The following SLIT3 variants were observed in gnomAD, a reference collection of about 807,000 sequenced individuals.
SLIT3 encodes the protein slit homolog 3 protein.
In SLIT3, 68 loss-of-function variants were observed where a neutral mutation model predicts 184.0. The ratio of observed to expected loss-of-function variants is 0.37; its 90% CI spans 0.30 to 0.45. SLIT3 has a LOEUF of 0.45. SLIT3 is among the 20% of genes least tolerant of loss of function. The pLI, the probability that SLIT3 is intolerant of heterozygous loss-of-function variation, is 1.00. For synonymous variants in SLIT3, 831 were observed against 828.6 expected, an observed-to-expected ratio of 1.00 and a Z score of -0.05; for missense variants, 1,707 against 2,026.0, an observed-to-expected ratio of 0.84 and a Z score of 3.02.
At chr5:169,157,834 A>G (rs1040511699) in intron 4 of SLIT3, among the ~76,000 whole-genome samples, 3 of 152,228 alleles carry the variant, frequency 2.0e-5, no homozygotes, top group Non-Finnish European at 4.4e-5. Context: ...AAACAAAGAA[A>G]AAAGAACCAA....
At chr5:168,998,604 C>T (rs62378629) in intron 4 of SLIT3, among the ~76,000 whole-genome samples, 5,539 of 151,830 alleles carry the variant, frequency 0.036, 122 homozygotes, top group Middle Eastern at 0.051. Context: ...CTCAGGAGGC[C>T]GAGGCAGGAG....
intron 4 of SLIT3, among the ~76,000 whole-genome samples, chr5:169,156,279 C>T (rs987822868): frequency 1.3e-5 from 2 of 152,154 alleles, no homozygotes; most frequent in Admixed American, 1.3e-4. Context: ...TCTGAAAATA[C>T]CTTTTCCTCT....
intron 4 of SLIT3, among the ~76,000 whole-genome samples, chr5:169,017,016 T>G (rs930213035): frequency 1.3e-5 from 2 of 152,200 alleles, no homozygotes; most frequent in African/African-American, 4.8e-5. Context: ...CATACTGTGC[T>G]GTTCCTTGTG....
At position 168,812,816 on chromosome 5, in the gene SLIT3, A is replaced by G. The variant is rs114997128; in HGVS notation, c.793+4484T>C. ...GTCCAATTATGGTGTTTTAATTAAA[A>G]CCTCCTAAGGAGATGGGTGGCTGGT... On this transcript the variant is annotated intron_variant, in intron 8 of 35. Transcript: ENST00000519560. Among the ~76,000 whole-genome samples, 1,115 of 151,964 alleles carry G rather than the reference A, an allele frequency of 7.3e-3. 17 individuals are homozygous for G. The highest frequency in any genetic ancestry group is 0.026 in the African/African-American group (1,071 of 41,414).
intron 29 of SLIT3, among the ~76,000 whole-genome samples, chr5:168,689,682 T>C (rs1761850639): frequency 1.3e-5 from 2 of 152,190 alleles, no homozygotes; most frequent in South Asian, 2.1e-4. Flanking sequence ...TGAGACCTCA[T>C]TGAGGGAGAG....
intron 1 of SLIT3, among the ~76,000 whole-genome samples, chr5:169,264,675 G>A (rs1192948081): frequency 6.6e-6 from 1 of 152,176 alleles, no homozygotes; most frequent in Non-Finnish European, 1.5e-5. Context: ...AAGGAGAGCA[G>A]TGTTTCCCTT....
At chr5:169,238,379 G>A (rs1389445863) in intron 3 of SLIT3, among the ~76,000 whole-genome samples, 1 of 151,464 alleles carries the variant, frequency 6.6e-6, no homozygotes, top group African/African-American at 2.4e-5. Flanking sequence ...TTGCTTTGTG[G>A]GTATCTCCTT....
In SLIT3 at chr5:168,665,330, C is replaced by T. The variant is rs1760999907; in HGVS notation, c.*1124G>A. 6.6e-6 allele frequency: 1 copy of T among 152,250 alleles called. No homozygotes were observed. Among genetic ancestry groups the T allele is most frequent in the African/African-American group, 2.4e-5 (1 of 41,460 alleles). 9.4% of individuals were successfully genotyped at this position (152,250 alleles called of 1,614,324 possible). ...GCTGGTGACCTGGAGGATCAGGTGG[C>T]AGAGGCCTGTCTTACAACAAGAGCC... is the stretch of plus-strand genomic sequence containing the variant. On this transcript the variant is annotated 3_prime_UTR_variant, in exon 36 of 36. Transcript: ENST00000519560.
intron 4 of SLIT3, among the ~76,000 whole-genome samples, chr5:168,969,052 C>T (rs968227291): frequency 7.2e-5 from 11 of 152,074 alleles, no homozygotes; most frequent in African/African-American, 2.7e-4. Flanking sequence ...GATTATTTTT[C>T]CCCCGCAAGA....
chr5:168,709,570 T>C (rs1762483860), intron 25 of SLIT3, among the ~76,000 whole-genome samples: 1 of 152,246 alleles, frequency 6.6e-6, no homozygotes, highest in Non-Finnish European at 1.5e-5. Flanking sequence ...GCCTCTTTAG[T>C]ATCAGATCAG....
chr5:168,976,488 T>C (rs1754767105), intron 4 of SLIT3, among the ~76,000 whole-genome samples: 1 of 152,100 alleles, frequency 6.6e-6, no homozygotes, highest in South Asian at 2.1e-4. Flanking sequence ...ATTCCTGCAA[T>C]AAATGAAAAA....
chr5:169,100,508 T>C (rs1420496912), intron 4 of SLIT3, among the ~76,000 whole-genome samples: 1 of 152,158 alleles, frequency 6.6e-6, no homozygotes, highest in African/African-American at 2.4e-5. Context: ...AATAAAGGCG[T>C]CAGGAATATG....
intron 5 of SLIT3, among the ~76,000 whole-genome samples, chr5:168,863,592 G>A (rs1182156160): frequency 1.3e-5 from 2 of 152,166 alleles, no homozygotes; most frequent in Admixed American, 6.5e-5. Flanking sequence ...AGGGTCAACC[G>A]TGGCAGAGAC....
chr5:169,038,985 A>G (rs1581339641), intron 4 of SLIT3, among the ~76,000 whole-genome samples: 2 of 152,206 alleles, frequency 1.3e-5, no homozygotes, highest in Non-Finnish European at 2.9e-5. Context: ...TGGAGAAAAG[A>G]TGACCCCCTT....
At chr5:168,705,538 A>G (rs1762350226) in intron 26 of SLIT3, among the ~76,000 whole-genome samples, 1 of 152,090 alleles carries the variant, frequency 6.6e-6, no homozygotes. Context: ...CATCACCATC[A>G]TCACCTTCAC....
intron 2 of SLIT3, among the ~76,000 whole-genome samples, chr5:169,245,653 G>C (rs752601902): frequency 6.6e-6 from 1 of 152,112 alleles, no homozygotes; most frequent in South Asian, 2.1e-4. Context: ...GTGGAGTTTC[G>C]GAAGGGCTAT....
At chr5:169,114,217 T>C (rs1760559769) in intron 4 of SLIT3, among the ~76,000 whole-genome samples, 1 of 152,158 alleles carries the variant, frequency 6.6e-6, no homozygotes, top group African/African-American at 2.4e-5. Context: ...TCTTTTTCTG[T>C]GGGCTAGATG....
intron 26 of SLIT3, chr5:168,707,118 G>T (rs1241462037): frequency 6.6e-6 from 1 of 152,228 alleles, no homozygotes; most frequent in Non-Finnish European, 1.5e-5. Flanking sequence ...TTGGGTTCTG[G>T]AATCACAAAG....
intron 4 of SLIT3, among the ~76,000 whole-genome samples, chr5:169,166,270 A>T (rs1157146945): frequency 6.6e-6 from 1 of 152,128 alleles, no homozygotes; most frequent in Non-Finnish European, 1.5e-5. Context: ...TCGTTTGCTG[A>T]CACATGTTCT....
Sources: allele counts gnomAD v4.1 joint callset (sites outside exome capture counted in the v4.1 genomes callset), GRCh38; gene constraint gnomAD v4.1.1; transcripts MANE v1.5; gene names NCBI Gene and HGNC (gene_info 2026-07-23, HGNC 2026-07-21).